Variants in SCN3A observed in about 807,000 individuals in gnomAD.
SCN3A encodes the protein sodium voltage-gated channel alpha subunit 3.
SCN3A carries 60 observed loss-of-function variants against 187.6 expected under a neutral mutation model. The observed-to-expected ratio is 0.32, with a 90% CI of 0.26 to 0.40. SCN3A has a LOEUF of 0.40. SCN3A is among the 10% of genes least tolerant of loss of function. The probability of loss-of-function intolerance (pLI) is 1.00; values close to 1 mark genes in which losing one functional copy is unlikely to be tolerated. For missense variants in SCN3A, 1,601 were observed against 2,428.2 expected, an observed-to-expected ratio of 0.66 and a Z score of 7.16; for synonymous variants, 788 against 829.2, an observed-to-expected ratio of 0.95 and a Z score of 0.85.
Position 165,100,402 on chromosome 2 carries a change from G to A in SCN3A, c.3866C>T (p.Ala1289Val). The A allele has an allele frequency of 6.2e-7, 1 of 1,613,750 alleles. No homozygotes were observed. The highest frequency in any genetic ancestry group is 8.5e-7 in the Non-Finnish European group (1 of 1,179,872). ...IVDVSLVSLV[A>V]NALGYSELGA... ...GAGTTCTGAGTAGCCAAGAGCATTGGCTACCAGGCTAACCAAAGAAACCTA... is the reference window on the plus strand; with the variant it reads ...GAGTTCTGAGTAGCCAAGAGCATTGACTACCAGGCTAACCAAAGAAACCTA... The change falls in exon 22 of 28, where the codon GCC (alanine) becomes GTC (valine). Residue 1289 changes from alanine to valine, a missense_variant. Ala to Val is a moderately conservative substitution (Grantham distance 64). Transcript: ENST00000283254.
At position 165,200,499 on chromosome 2, in the gene SCN3A, G is replaced by A. The variant is rs115355307; in HGVS notation, c.-248+3324C>T. ...GCTTTTAGTTATCATCAACCCTAAA[G>A]ATAAGAACTCGTAAGAGCTGGGAGT... On this transcript the variant is annotated intron_variant, in intron 1 of 27. Transcript: ENST00000283254. Among the ~76,000 whole-genome samples, 956 of 152,146 alleles carry A rather than the reference G, an allele frequency of 6.3e-3. 6 individuals are homozygous for A. The highest frequency in any genetic ancestry group is 0.022 in the African/African-American group (913 of 41,538).
At position 165,107,621 on chromosome 2, in the gene SCN3A, T is replaced by C. The variant is rs1178079633; in HGVS notation, c.3843+5264A>G. On this transcript the variant is annotated intron_variant, in intron 21 of 27. Transcript: ENST00000283254. ...CATTGCTTTCATTCACCACCACTTA[T>C]ACGCAATCACCTTCGGTGTCATGTG... Among the ~76,000 whole-genome samples, 25 of 152,220 alleles carry C rather than the reference T, an allele frequency of 1.6e-4. 1 individual carries two copies. The highest frequency in any genetic ancestry group is 1.6e-3 in the Admixed American group (25 of 15,280).
intron 2 of SCN3A, among the ~76,000 whole-genome samples, chr2:165,177,324 T>A (rs6717810): frequency 0.24 from 36,724 of 152,070 alleles, 5,462 homozygotes; most frequent in East Asian, 0.52. Flanking sequence ...GCTGTGTGAT[T>A]GTGGACAAAG....
chr2:165,159,745 TTAAGAA>T (rs1234577138), intron 9 of SCN3A, among the ~76,000 whole-genome samples: 2 of 134,822 alleles, frequency 1.5e-5, no homozygotes, highest in East Asian at 5.8e-4. Flanking sequence ...TTTCATTCTC[TTAAGAA>T]TATCTTTGTA....
In SCN3A at chr2:165,092,343, A is replaced by G; in HGVS notation, c.4718T>C (p.Phe1573Ser). 6.2e-7 allele frequency: 1 copy of G among 1,613,964 alleles called. No homozygotes were observed. The highest frequency in any genetic ancestry group is 8.5e-7 in the Non-Finnish European group (1 of 1,179,920). The change falls in exon 27 of 28, where the codon TTT becomes TCT. Residue 1573 changes from phenylalanine (F) to serine (S), a missense_variant. Physicochemically the swap from Phe to Ser is radical, Grantham distance 155. Coordinates refer to ENST00000283254, the MANE Select transcript of SCN3A (RefSeq NM_006922.4). This position sits in a 1 kb window ranked among gnomAD's most constrained non-coding sequence, Gnocchi z 4.2. Reference protein sequence around the residue: ...LVFIVLFTGEFVLKLVSLRHY... With the variant: ...LVFIVLFTGESVLKLVSLRHY... ...TCTGAGGGAGACGAGCTTCAGCACA[A>G]ATTCTCCAGTGAACAGAACAATGAA... is the stretch of plus-strand genomic sequence containing the variant.
intron 12 of SCN3A, among the ~76,000 whole-genome samples, chr2:165,146,290 A>T (rs1390420599): frequency 6.6e-6 from 1 of 151,932 alleles, no homozygotes; most frequent in African/African-American, 2.4e-5. Context: ...CAAAGAAAAT[A>T]AGTTTATCTG....
intron 12 of SCN3A, among the ~76,000 whole-genome samples, chr2:165,145,088 G>T (rs1688238833): frequency 6.6e-6 from 1 of 151,950 alleles, no homozygotes; most frequent in Admixed American, 6.6e-5. Context: ...TCTATATATT[G>T]CTTAGTCCCC....
intron 5 of SCN3A, among the ~76,000 whole-genome samples, chr2:165,166,184 T>C (rs1257468742): frequency 6.6e-6 from 1 of 152,206 alleles, no homozygotes; most frequent in Non-Finnish European, 1.5e-5. Context: ...CTTTTGTTCT[T>C]GATTTGGGGA....
rs537632345 is a variant in SCN3A at position 165,092,565 on chromosome 2, T to A, written c.4537-41A>T. ...AGAGAAATAAGGTTACTATATATATTTCATAAAGAATAATGCAGTAAAATT... is the reference window on the plus strand; with the variant it reads ...AGAGAAATAAGGTTACTATATATATATCATAAAGAATAATGCAGTAAAATT... On this transcript the variant is annotated intron_variant, in intron 26 of 27. Coordinates refer to ENST00000283254, the MANE Select transcript of SCN3A (RefSeq NM_006922.4). The surrounding 1 kb of genome is among the most constrained non-coding windows in gnomAD (Gnocchi z 4.2). 6.4e-7 allele frequency: 1 copy of A among 1,571,112 alleles called. No individual in the cohort carries two copies. The highest frequency in any genetic ancestry group is 1.7e-5 in the Admixed American group (1 of 59,798).
intron 24 of SCN3A, 25 bp from the exon 25 acceptor site, chr2:165,095,673 T>TAATATGAAA (rs761265596): frequency 8.3e-7 from 1 of 1,211,290 alleles, no homozygotes; most frequent in South Asian, 1.3e-5. Flanking sequence ...AAATATTAAA[T>TAATATGAAA]AATATGAAAA....
intron 9 of SCN3A, among the ~76,000 whole-genome samples, chr2:165,158,465 T>C (rs1330183647): frequency 7.3e-6 from 1 of 137,070 alleles, no homozygotes; most frequent in Non-Finnish European, 1.5e-5. Context: ...TAAAGGTCTA[T>C]GAGTTTTAAC....
intron 21 of SCN3A, among the ~76,000 whole-genome samples, chr2:165,108,272 T>A (rs1317284966): frequency 6.6e-6 from 1 of 151,970 alleles, no homozygotes; most frequent in Non-Finnish European, 1.5e-5. Context: ...TGCCAATATG[T>A]CAATAATAAA....
intron 18 of SCN3A, among the ~76,000 whole-genome samples, chr2:165,120,990 G>A (rs1190220428): frequency 1.3e-5 from 2 of 150,594 alleles, no homozygotes; most frequent in African/African-American, 4.9e-5. Flanking sequence ...GGGTAAAAGA[G>A]CATCAAAAAG....
At chr2:165,114,420 G>A (rs992946833) in intron 19 of SCN3A, among the ~76,000 whole-genome samples, 2 of 152,134 alleles carry the variant, frequency 1.3e-5, no homozygotes, top group East Asian at 3.8e-4. Flanking sequence ...TCAATTTTCC[G>A]AAGCTAATTT....
intron 18 of SCN3A, among the ~76,000 whole-genome samples, chr2:165,124,169 C>T (rs1482722712): frequency 6.6e-6 from 1 of 151,896 alleles, no homozygotes; most frequent in East Asian, 1.9e-4. Flanking sequence ...TAAATCACCC[C>T]ATAAGACATT....
intron 18 of SCN3A, among the ~76,000 whole-genome samples, chr2:165,126,900 T>A (rs978382372): frequency 6.6e-6 from 1 of 152,188 alleles, no homozygotes; most frequent in Non-Finnish European, 1.5e-5. Context: ...ACTATCATAG[T>A]GAATAAGACT....
At chr2:165,191,778 A>AG (rs1691630304) in intron 1 of SCN3A, among the ~76,000 whole-genome samples, 1 of 152,218 alleles carries the variant, frequency 6.6e-6, no homozygotes, top group South Asian at 2.1e-4. Flanking sequence ...GCACAGAAAC[A>AG]GCACAGGGGC....
At chr2:165,105,224 C>T (rs1685789202) in intron 21 of SCN3A, among the ~76,000 whole-genome samples, 2 of 152,198 alleles carry the variant, frequency 1.3e-5, no homozygotes, top group Admixed American at 6.5e-5. Flanking sequence ...TACAACTTCA[C>T]AACTTCTGGA....
intron 2 of SCN3A, among the ~76,000 whole-genome samples, chr2:165,180,993 CTAA>C (rs1690812554): frequency 6.6e-6 from 1 of 151,982 alleles, no homozygotes; most frequent in African/African-American, 2.4e-5. Flanking sequence ...TTCTTATTAA[CTAA>C]TAATAAGCAC....
Sources: gnomAD v4.1 joint callset for allele counts (sites outside exome capture counted in the v4.1 genomes callset) on GRCh38, gnomAD v4.1.1 for gene constraint, Gnocchi (gnomAD v3.1) non-coding constraint, MANE v1.5 for transcripts, NCBI Gene and HGNC (gene_info 2026-07-23, HGNC 2026-07-21) for gene names.